Variants in CSDE1 observed in about 807,000 individuals in gnomAD.
CSDE1 encodes the protein cold shock domain containing E1, also known as cold shock domain-containing protein E1.
Under a neutral mutation model 89.3 loss-of-function variants are expected in CSDE1, and 17 were observed. That is an observed-to-expected ratio of 0.19 (90% CI 0.13 to 0.29). The LOEUF (loss-of-function observed/expected upper bound fraction) is 0.29. CSDE1 is among the 10% of genes least tolerant of loss of function. The probability of loss-of-function intolerance (pLI) is 1.00; values close to 1 mark genes in which losing one functional copy is unlikely to be tolerated. For synonymous variants in CSDE1, 322 were observed against 332.8 expected, an observed-to-expected ratio of 0.97 and a Z score of 0.35; for missense variants, 672 against 984.2, an observed-to-expected ratio of 0.68 and a Z score of 4.24.
At position 114,719,566 on chromosome 1, in the gene CSDE1, C is replaced by T; in HGVS notation, c.2216+13G>A. 1 of 1,610,348 alleles carries T rather than the reference C, an allele frequency of 6.2e-7. No homozygotes were observed. Among genetic ancestry groups the T allele is most frequent in the Non-Finnish European group, 8.5e-7 (1 of 1,178,776 alleles). ...AGGGTAGTTACTAATCAAACCACAA[C>T]AACAAAACTCACCAGACTCGCCAAA... On this transcript the variant is annotated intron_variant, in intron 18 of 19. Coordinates refer to ENST00000358528, the MANE Select transcript of CSDE1 (RefSeq NM_001007553.3).
chr1:114,752,643 G>C (rs1327284643), intron 1 of CSDE1, among the ~76,000 whole-genome samples: 1 of 152,078 alleles, frequency 6.6e-6, no homozygotes, highest in Non-Finnish European at 1.5e-5. Context: ...CTGAATTCTA[G>C]CCACCTTTGC....
chr1:114,753,520 T>C (rs1570963290), intron 1 of CSDE1, among the ~76,000 whole-genome samples: 1 of 152,192 alleles, frequency 6.6e-6, no homozygotes, highest in South Asian at 2.1e-4. Context: ...CATGCCCGGA[T>C]TAACATTAAT....
intron 2 of CSDE1, among the ~76,000 whole-genome samples, chr1:114,741,114 C>A (rs1660702578): frequency 6.6e-6 from 1 of 152,130 alleles, no homozygotes; most frequent in Non-Finnish European, 1.5e-5. Flanking sequence ...CAAAAGCCCA[C>A]AAGAAAGTAT....
chr1:114,723,013 A>T (rs910552735), intron 16 of CSDE1, among the ~76,000 whole-genome samples: 1 of 151,942 alleles, frequency 6.6e-6, no homozygotes, highest in Non-Finnish European at 1.5e-5. Context: ...TCTTTTTAAA[A>T]TTTTTTTATT....
At position 114,743,285 on chromosome 1, in the gene CSDE1, G is replaced by A. The variant is rs971292912; in HGVS notation, c.1-3395C>T. Among the ~76,000 whole-genome samples, 4 of 151,982 alleles carry A rather than the reference G, an allele frequency of 2.6e-5. No individual in the cohort carries two copies. The South Asian group carries it at 8.3e-4, about 31-fold the overall frequency. ...TGGCTCACTGCAACCTCTGCCTCCT[G>A]GGTTCAAGTGATCCCTCTGCCTCAG... On this transcript the variant is annotated intron_variant, in intron 2 of 19. Coordinates refer to ENST00000358528, the MANE Select transcript of CSDE1 (RefSeq NM_001007553.3).
chr1:114,745,081 G>A (rs138155696), intron 2 of CSDE1, among the ~76,000 whole-genome samples: 28 of 152,064 alleles, frequency 1.8e-4, no homozygotes, highest in African/African-American at 4.3e-4. Context: ...TAGCAAAGAC[G>A]TAAGATTTTA....
chr1:114,747,474 T>C (rs1020318057), intron 2 of CSDE1, among the ~76,000 whole-genome samples: 1 of 152,230 alleles, frequency 6.6e-6, no homozygotes, highest in African/African-American at 2.4e-5. Flanking sequence ...GTTCATGTAG[T>C]AAACTAATAT....
chr1:114,724,892 T>C (rs1020507757), intron 15 of CSDE1, among the ~76,000 whole-genome samples: 7 of 152,158 alleles, frequency 4.6e-5, no homozygotes, highest in East Asian at 1.9e-4. Context: ...CTGGCTATCC[T>C]GGGTTTATTT....
chr1:114,744,550 AGAGT>A (rs1406614151), intron 2 of CSDE1, among the ~76,000 whole-genome samples: 1 of 152,214 alleles, frequency 6.6e-6, no homozygotes, highest in Non-Finnish European at 1.5e-5. Context: ...CCTGGGTGAC[AGAGT>A]GAGACCCTGT....
At chr1:114,746,711 C>T (rs1400076595) in intron 2 of CSDE1, 1 of 152,196 alleles carries the variant, frequency 6.6e-6, no homozygotes, top group Non-Finnish European at 1.5e-5. Flanking sequence ...GGAGACTTCT[C>T]TAAAATCAGT....
intron 12 of CSDE1, among the ~76,000 whole-genome samples, chr1:114,728,057 A>G (rs1308801543): frequency 6.6e-6 from 1 of 152,192 alleles, no homozygotes; most frequent in Admixed American, 6.5e-5. Context: ...CATTCCTTCC[A>G]TAACTGCTAT....
At chr1:114,751,679 T>C (rs1474702609) in intron 1 of CSDE1, among the ~76,000 whole-genome samples, 3 of 150,958 alleles carry the variant, frequency 2.0e-5, no homozygotes, top group African/African-American at 7.3e-5. Flanking sequence ...GGTGCTCAAA[T>C]ACTTGGGAAG....
chr1:114,740,920 T>C (rs1482412159), intron 2 of CSDE1, among the ~76,000 whole-genome samples: 1 of 152,224 alleles, frequency 6.6e-6, no homozygotes, highest in African/African-American at 2.4e-5. Flanking sequence ...ATAAAAAGGA[T>C]ATATTTTCAC....
At chr1:114,743,715 T>C (rs573515359) in intron 2 of CSDE1, among the ~76,000 whole-genome samples, 2 of 152,240 alleles carry the variant, frequency 1.3e-5, no homozygotes, top group East Asian at 1.9e-4. Context: ...TTTAAGACTC[T>C]AAGTTGTTCC....
At chr1:114,748,220 CTTA>C (rs577172265) in intron 2 of CSDE1, 4 of 152,152 alleles carry the variant, frequency 2.6e-5, no homozygotes, top group Non-Finnish European at 5.9e-5. Flanking sequence ...AACTGAATGA[CTTA>C]TTTTCATTCT....
At chr1:114,754,131 G>T (rs1192709417) in intron 1 of CSDE1, among the ~76,000 whole-genome samples, 1 of 152,156 alleles carries the variant, frequency 6.6e-6, no homozygotes, top group Non-Finnish European at 1.5e-5. Flanking sequence ...TGGGACTACA[G>T]GCGTGTACCA....
intron 16 of CSDE1, among the ~76,000 whole-genome samples, chr1:114,721,030 G>T (rs1156955013): frequency 7.2e-5 from 11 of 152,106 alleles, no homozygotes; most frequent in Admixed American, 1.3e-4. Flanking sequence ...AGCACTATGG[G>T]TTGCCAATAT....
intron 2 of CSDE1, among the ~76,000 whole-genome samples, chr1:114,744,533 A>G (rs1010925596): frequency 1.7e-4 from 26 of 152,122 alleles, no homozygotes; most frequent in African/African-American, 5.3e-4. Flanking sequence ...CTGACACCGT[A>G]CTCCAGCCTG....
intron 2 of CSDE1, among the ~76,000 whole-genome samples, chr1:114,740,990 GTGA>G (rs1388873668): frequency 2.0e-5 from 3 of 152,238 alleles, no homozygotes; most frequent in Non-Finnish European, 4.4e-5. Flanking sequence ...AACGATATGT[GTGA>G]TGGTCAAATC....
Sources: gnomAD v4.1 joint callset for allele counts (sites outside exome capture counted in the v4.1 genomes callset) on GRCh38, gnomAD v4.1.1 for gene constraint, MANE v1.5 for transcripts, NCBI Gene and HGNC (gene_info 2026-07-23, HGNC 2026-07-21) for gene names.